DNAH17: variants seen among roughly 807,000 people sequenced by gnomAD.
DNAH17 encodes dynein axonemal heavy chain 17.
DNAH17 carries 376 observed loss-of-function variants against 485.6 expected under a neutral mutation model. The observed-to-expected ratio is 0.77, with a 90% CI of 0.71 to 0.84. DNAH17 has a LOEUF of 0.84. Among genes scored for constraint, DNAH17 ranks in the 40% least tolerant of loss-of-function variants. The pLI is 0.00. For missense variants in DNAH17, 6,370 were observed against 5,839.3 expected, an observed-to-expected ratio of 1.09 and a Z score of -2.96; for synonymous variants, 3,031 against 2,405.9, an observed-to-expected ratio of 1.26 and a Z score of -7.60.
In DNAH17 at chr17:78,450,335, C is replaced by T. The variant is rs185361296; in HGVS notation, c.10959G>A (p.Pro3653=). ...AGAGCAGAGATGCCCTCTCCGCAGCCGGGCGGTAGTTCTCTCTCGCTTCGT... is the reference window on the plus strand; with the variant it reads ...AGAGCAGAGATGCCCTCTCCGCAGCTGGGCGGTAGTTCTCTCTCGCTTCGT... ...KINEARENYR[P]AAERASLLYF... The change falls in exon 68 of 81, where the codon CCG becomes CCA. Residue 3653 remains proline (P), a synonymous_variant. Coordinates refer to ENST00000389840, the MANE Select transcript of DNAH17 (RefSeq NM_173628.4). 1.7e-4 allele frequency: 277 copies of T among 1,614,024 alleles called. No homozygotes were observed. The highest frequency in any genetic ancestry group is 2.1e-4 in the Non-Finnish European group (242 of 1,179,888).
chr17:78,529,438 C>T (rs1353437683), intron 22 of DNAH17, 34 bp downstream of exon 22: 2 of 1,607,882 alleles, frequency 1.2e-6, no homozygotes, highest in African/African-American at 1.3e-5. Context: ...TCTCCCTGCT[C>T]ACCTGGACGC....
intron 26 of DNAH17, among the ~76,000 whole-genome samples, chr17:78,511,908 A>G (rs1365835886): frequency 6.6e-6 from 1 of 152,212 alleles, no homozygotes; most frequent in Non-Finnish European, 1.5e-5. Flanking sequence ...TTTTGTCTCA[A>G]CACTCGAAAG....
intron 25 of DNAH17, among the ~76,000 whole-genome samples, chr17:78,521,957 G>T (rs1236583838): frequency 6.6e-6 from 1 of 152,200 alleles, no homozygotes; most frequent in Admixed American, 6.5e-5. Context: ...CTGTACTCCA[G>T]CCTGGGCGAC....
At chr17:78,434,519 T>C (rs2086796305) in intron 74 of DNAH17, among the ~76,000 whole-genome samples, 1 of 152,204 alleles carries the variant, frequency 6.6e-6, no homozygotes, top group African/African-American at 2.4e-5. Flanking sequence ...ATCCTGGACA[T>C]TTCGGGACTA....
Position 78,449,573 on chromosome 17 carries a change from C to T in DNAH17, c.11052G>A (p.Val3684=), listed in dbSNP as rs1456804157. 1.2e-6 allele frequency: 2 copies of T among 1,605,698 alleles called. No individual in the cohort carries two copies. Among genetic ancestry groups the T allele is most frequent in the Non-Finnish European group, 1.7e-6 (2 of 1,175,654 alleles). ...VYQFSLKAFN[V]VFEKAIQRTT... ...TCCTCTGGATGGCTTTCTCAAACAC[C>T]ACGTTGAAGGCCTGGGGATCCGCCA... Residue 3684 remains valine, a synonymous_variant, in exon 69 of 81, where the codon GTG becomes GTA. Coordinates refer to ENST00000389840, the MANE Select transcript of DNAH17 (RefSeq NM_173628.4).
intron 14 of DNAH17, among the ~76,000 whole-genome samples, chr17:78,556,097 A>C (rs1463285037): frequency 6.6e-6 from 1 of 152,110 alleles, no homozygotes; most frequent in Non-Finnish European, 1.5e-5. Flanking sequence ...CTGTCTGTCC[A>C]TCCATCTCCA....
At chr17:78,554,767 G>C (rs1445811366) in intron 14 of DNAH17, among the ~76,000 whole-genome samples, 1 of 152,048 alleles carries the variant, frequency 6.6e-6, no homozygotes, top group Non-Finnish European at 1.5e-5. Flanking sequence ...TATTTTTTGA[G>C]ACGGAGTCTC....
chr17:78,486,349 G>C lies in DNAH17; in HGVS notation c.6976C>G (p.Leu2326Val). 1.2e-6 allele frequency: 2 copies of C among 1,613,904 alleles called. No individual in the cohort carries two copies. Among genetic ancestry groups the C allele is most frequent in the Admixed American group, 1.7e-5 (1 of 60,014 alleles). ...VPEITVIQTI[L>V]YLLECLLTEK... is the part of the protein sequence containing the mutation. Reference sequence around the variant, plus strand: ...GTGAGCAGGCACTCCAGCAGGTACAGAATCGTTTGGATCACCGTGATCTCC... The same window carrying C: ...GTGAGCAGGCACTCCAGCAGGTACACAATCGTTTGGATCACCGTGATCTCC... The change falls in exon 45 of 81, where the codon CTG becomes GTG. Residue 2326 changes from leucine (L) to valine (V), a missense_variant. Transcript: ENST00000389840.
Position 78,492,623 on chromosome 17 carries a change from C to T in DNAH17, c.6541+10G>A. On this transcript the variant is annotated intron_variant, in intron 42 of 80. Transcript: ENST00000389840. ...GCCCCTGCAGCCTGTCCCGGGACCA[C>T]CCTCGTTACCATCTTTCCATTCCCT... 1 of 1,613,466 alleles carries T rather than the reference C, an allele frequency of 6.2e-7. No homozygotes were observed.
At chr17:78,460,504 A>G (rs2088064965) in intron 58 of DNAH17, among the ~76,000 whole-genome samples, 1 of 152,214 alleles carries the variant, frequency 6.6e-6, no homozygotes. Context: ...TGAGCTCCAT[A>G]AGAGAGGCTG....
intron 54 of DNAH17, among the ~76,000 whole-genome samples, chr17:78,473,021 C>T (rs2088837550): frequency 1.3e-5 from 2 of 152,248 alleles, no homozygotes; most frequent in Non-Finnish European, 2.9e-5. Flanking sequence ...CTTTCCTGTG[C>T]ACCCCTAGCC....
rs1598580440 is a variant in DNAH17, at chr17:78,494,518, C to T, written c.6270+75G>A. 12 of 1,480,126 alleles carry T rather than the reference C, an allele frequency of 8.1e-6. No individual in the cohort carries two copies. In the Admixed American group the frequency reaches 1.2e-4, roughly 15 times the overall value. The allele number at this position is 1,480,126 out of a possible 1,614,324, so 91.7% of individuals were successfully genotyped here. A position where few individuals can be genotyped will look rare whatever the true frequency, so the allele number is the denominator to read the frequency against. ...TGCGTGTGTGACACGGGTCTCCACC[C>T]GTCCAACATCAGTGGGAAGGAAGCC... On this transcript the variant is annotated intron_variant, in intron 40 of 80. Coordinates refer to ENST00000389840, the MANE Select transcript of DNAH17 (RefSeq NM_173628.4).
rs771341971 is a variant in DNAH17 at position 78,427,170 on chromosome 17, G to C, written c.12589-62C>G. ...AAGAGCCCACCCCACCCACTGCAGG[G>C]TCAGGGAGCCTGCCCAAAATGTTCC... On this transcript the variant is annotated intron_variant, in intron 77 of 80. Coordinates refer to ENST00000389840, the MANE Select transcript of DNAH17 (RefSeq NM_173628.4). 1.1e-5 allele frequency: 17 copies of C among 1,513,842 alleles called. No homozygotes were observed. In the South Asian group the frequency reaches 1.9e-4, roughly 17 times the overall value. The allele number at this position is 1,513,842 out of a possible 1,614,324, so 93.8% of individuals were successfully genotyped here. A position where few individuals can be genotyped will look rare whatever the true frequency, so the allele number is the denominator to read the frequency against.
chr17:78,574,726 G>T lies in DNAH17; in HGVS notation c.332C>A (p.Ala111Glu), dbSNP rs374789982. 251 of 1,605,092 alleles carry T rather than the reference G, an allele frequency of 1.6e-4. 1 individual carries two copies. The highest frequency in any genetic ancestry group is 3.9e-4 in the Admixed American group (23 of 59,492). ...ISPTPVDQLI[A>E]VVEEVLSSLL... ...GGACGCACTCACCTCCTCCACCACC[G>T]CGATCAGCTGGTCCACGGGTGTGGG... Residue 111 changes from alanine (A) to glutamate (E), a missense_variant, in exon 2 of 81, where the codon GCG (alanine) becomes GAG (glutamate). Transcript: ENST00000389840.
At chr17:78,494,212 C>A in intron 40 of DNAH17, 39 bp from the exon 41 acceptor site, 1 of 1,585,730 alleles carries the variant, frequency 6.3e-7, no homozygotes, top group Admixed American at 1.7e-5. Flanking sequence ...GGAACTGAAG[C>A]AGCTTTTCTT....
chr17:78,537,297 A>G lies in DNAH17; in HGVS notation c.2859+2T>C. 1 of 1,559,000 alleles carries G rather than the reference A, an allele frequency of 6.4e-7. No homozygotes were observed. The highest frequency in any genetic ancestry group is 1.2e-5 in the South Asian group (1 of 84,744). ...GTACGGCCAGAAGAGGCCAGGACTG[A>G]CCTTGTAGTTCATCCTGTCCTTGGC... On this transcript the variant is annotated splice_donor_variant, in intron 19 of 80. Coordinates refer to ENST00000389840, the MANE Select transcript of DNAH17 (RefSeq NM_173628.4). LOFTEE classifies it high-confidence loss of function.
intron 54 of DNAH17, among the ~76,000 whole-genome samples, chr17:78,470,684 G>A (rs369319534): frequency 7.2e-5 from 11 of 152,230 alleles, no homozygotes; most frequent in East Asian, 3.9e-4. Flanking sequence ...GTGAGACTCC[G>A]TCTCAAAGAA....
intron 25 of DNAH17, among the ~76,000 whole-genome samples, chr17:78,517,539 T>A (rs565523048): frequency 7.9e-5 from 12 of 152,342 alleles, no homozygotes; most frequent in African/African-American, 2.9e-4. Flanking sequence ...CCTGTCCTTA[T>A]CTTTCTGCTG....
intron 69 of DNAH17, among the ~76,000 whole-genome samples, chr17:78,447,136 G>C (rs1214899434): frequency 6.6e-6 from 1 of 151,960 alleles, no homozygotes; most frequent in Non-Finnish European, 1.5e-5. Flanking sequence ...TTGCTATATT[G>C]ACTGGGCTAG....
Sources: gnomAD v4.1 joint callset for allele counts (sites outside exome capture counted in the v4.1 genomes callset) on GRCh38, gnomAD v4.1.1 for gene constraint, MANE v1.5 for transcripts, NCBI Gene and HGNC (gene_info 2026-07-23, HGNC 2026-07-21) for gene names.